The following OSBPL10 variants were observed in gnomAD, a reference collection of about 807,000 sequenced individuals.
OSBPL10 encodes the protein oxysterol binding protein like 10.
A neutral mutation model predicts 81.7 loss-of-function variants in OSBPL10; 49 were observed. The observed-to-expected ratio is 0.60, with a 90% CI of 0.48 to 0.76. OSBPL10 has a LOEUF of 0.76. OSBPL10 is among the 30% of genes least tolerant of loss of function. The probability of loss-of-function intolerance (pLI) is 0.00; values close to 1 mark genes in which losing one functional copy is unlikely to be tolerated. For synonymous variants in OSBPL10, 419 were observed against 383.6 expected, an observed-to-expected ratio of 1.09 and a Z score of -1.08; for missense variants, 923 against 987.8, an observed-to-expected ratio of 0.93 and a Z score of 0.88.
At chr3:31,974,506 A>G (rs74340959) in intron 1 of OSBPL10, among the ~76,000 whole-genome samples, 2 of 152,196 alleles carry the variant, frequency 1.3e-5, no homozygotes, top group African/African-American at 4.8e-5. Context: ...ACCAACCTAC[A>G]ATAGACAAAT....
chr3:31,870,698 C>T (rs1034186774), intron 3 of OSBPL10, among the ~76,000 whole-genome samples: 13 of 152,082 alleles, frequency 8.5e-5, no homozygotes, highest in African/African-American at 3.1e-4. Context: ...CTGTGTCTAC[C>T]TCAGGGTTTG....
chr3:32,013,492 G>T (rs2125540804), intron 2 of OSBPL10, among the ~76,000 whole-genome samples: 1 of 152,148 alleles, frequency 6.6e-6, no homozygotes, highest in South Asian at 2.1e-4. Context: ...AGAGAAAGCA[G>T]GAAAGATCTA....
At chr3:31,911,699 C>T (rs551806187) in intron 1 of OSBPL10, among the ~76,000 whole-genome samples, 1 of 152,200 alleles carries the variant, frequency 6.6e-6, no homozygotes, top group African/African-American at 2.4e-5. Flanking sequence ...CTGTCCTGGG[C>T]CACAGGCAGA....
intron 4 of OSBPL10, among the ~76,000 whole-genome samples, chr3:31,826,710 C>T (rs981391856): frequency 6.6e-6 from 1 of 152,158 alleles, no homozygotes; most frequent in African/African-American, 2.4e-5. Context: ...AACCTTAAAG[C>T]AGTGGCCTTT....
chr3:31,748,221 G>A (rs1449631983), intron 4 of OSBPL10, 101 bp from the exon 5 acceptor site: 3 of 1,004,984 alleles, frequency 3.0e-6, no homozygotes, highest in Non-Finnish European at 3.0e-6. Context: ...ACTAGGTGAG[G>A]GTCAACTCAG....
chr3:31,782,461 A>T (rs2125772159), intron 4 of OSBPL10, among the ~76,000 whole-genome samples: 1 of 152,350 alleles, frequency 6.6e-6, no homozygotes, highest in East Asian at 1.9e-4. Context: ...TAAACCCAGA[A>T]GTTTCTGCAC....
chr3:31,753,185 ATT>A (rs34050690), intron 4 of OSBPL10, among the ~76,000 whole-genome samples: 58,345 of 140,872 alleles, frequency 0.41, 11,832 homozygotes, highest in East Asian at 0.61. Context: ...TGCTTCAAGG[ATT>A]TTTTTTTTTT....
At chr3:32,004,137 C>A (rs1325237632) in intron 2 of OSBPL10, among the ~76,000 whole-genome samples, 1 of 152,144 alleles carries the variant, frequency 6.6e-6, no homozygotes, top group African/African-American at 2.4e-5. Context: ...TAAATGATTT[C>A]TTATTTAAAA....
intron 2 of OSBPL10, among the ~76,000 whole-genome samples, chr3:32,012,129 G>A (rs1559549098): frequency 6.6e-6 from 1 of 152,136 alleles, no homozygotes; most frequent in Non-Finnish European, 1.5e-5. Flanking sequence ...GCAACTCCAA[G>A]ACACATAATT....
Position 31,724,455 on chromosome 3 carries a change from G to A in OSBPL10, c.1095+8802C>T, listed in dbSNP as rs370425116. 4.7e-4 allele frequency among the ~76,000 whole-genome samples: 71 copies of A among 152,042 alleles called. 2 individuals are homozygous for A. In the East Asian group the frequency reaches 9.7e-3, roughly 21 times the overall value. Reference sequence around the variant, plus strand: ...CCAAAGACTCTCTCAGTCCAGTGTCGAAACCCATTAAAAGCCCCAGCACAT... The same window carrying A: ...CCAAAGACTCTCTCAGTCCAGTGTCAAAACCCATTAAAAGCCCCAGCACAT... On this transcript the variant is annotated intron_variant, in intron 6 of 11. Coordinates refer to ENST00000396556, the MANE Select transcript of OSBPL10 (RefSeq NM_017784.5).
intron 1 of OSBPL10, among the ~76,000 whole-genome samples, chr3:31,957,543 G>A (rs1698042235): frequency 6.6e-6 from 1 of 152,222 alleles, no homozygotes; most frequent in South Asian, 2.1e-4. Flanking sequence ...TTTGAGCAAT[G>A]GCAGCACTGT....
chr3:32,051,516 C>T (rs964854281), intron 1 of OSBPL10, among the ~76,000 whole-genome samples: 1 of 152,118 alleles, frequency 6.6e-6, no homozygotes, highest in Non-Finnish European at 1.5e-5. Flanking sequence ...GGTAAAATGT[C>T]CTCACCCCCC....
chr3:31,748,156 G>A (rs754538997), intron 4 of OSBPL10, 36 bp from the exon 5 acceptor site: 12 of 1,567,388 alleles, frequency 7.7e-6, no homozygotes, highest in African/African-American at 5.4e-5. Context: ...GGTGAGGGGC[G>A]GAAGTTCTTT....
intron 1 of OSBPL10, among the ~76,000 whole-genome samples, chr3:31,922,798 C>A (rs961775579): frequency 6.6e-6 from 1 of 152,038 alleles, no homozygotes; most frequent in African/African-American, 2.4e-5. Context: ...CTCCGTCTTG[C>A]AGGGGTGGGA....
chr3:31,809,474 A>T (rs1403714404), intron 4 of OSBPL10, among the ~76,000 whole-genome samples: 1 of 152,222 alleles, frequency 6.6e-6, no homozygotes, highest in East Asian at 1.9e-4. Flanking sequence ...TAGAAAGTAT[A>T]TCATTCAGAT....
chr3:31,939,144 CTTT>C (rs57544063), intron 1 of OSBPL10, among the ~76,000 whole-genome samples: 1 of 65,294 alleles, frequency 1.5e-5, no homozygotes, highest in African/African-American at 4.5e-5. Flanking sequence ...CTCTCTCATC[CTTT>C]TTTTTTTTTT....
chr3:31,727,207 T>C (rs995406621), intron 6 of OSBPL10, among the ~76,000 whole-genome samples: 2 of 152,058 alleles, frequency 1.3e-5, no homozygotes, highest in Admixed American at 1.3e-4. Context: ...CTATCCAATA[T>C]AGGAGATAGT....
At chr3:31,835,442 G>C (rs977531617) in intron 3 of OSBPL10, among the ~76,000 whole-genome samples, 5 of 152,136 alleles carry the variant, frequency 3.3e-5, no homozygotes, top group Admixed American at 2.6e-4. Context: ...GAATTAAAAG[G>C]AGGCAAGGGA....
intron 1 of OSBPL10, among the ~76,000 whole-genome samples, chr3:31,921,929 C>T (rs1696929765): frequency 6.6e-6 from 1 of 152,194 alleles, no homozygotes; most frequent in Admixed American, 6.5e-5. Flanking sequence ...TGTGATCTTC[C>T]TCTGAAAACA....
Sources: gnomAD v4.1 joint callset for allele counts (sites outside exome capture counted in the v4.1 genomes callset) on GRCh38, gnomAD v4.1.1 for gene constraint, MANE v1.5 for transcripts, NCBI Gene and HGNC (gene_info 2026-07-23, HGNC 2026-07-21) for gene names.